Variants in CNTN4 observed in about 807,000 individuals in gnomAD.
CNTN4 encodes the protein contactin-4.
In CNTN4, 77 loss-of-function variants were observed where a neutral mutation model predicts 122.5. The observed-to-expected ratio is 0.63, with a 90% CI of 0.52 to 0.76. The LOEUF (loss-of-function observed/expected upper bound fraction) is 0.76. CNTN4 is among the 30% of genes least tolerant of loss of function. The pLI is 0.00. For missense variants in CNTN4, 1,256 were observed against 1,259.1 expected (o/e 1.00, Z 0.04); for synonymous variants, 512 against 447.0 (o/e 1.15, Z -1.83).
chr3:2,474,947 G>A lies in CNTN4; in HGVS notation c.-88-96469G>A, dbSNP rs1231802573. On this transcript the variant is annotated intron_variant, in intron 3 of 24. Coordinates refer to ENST00000418658, the MANE Select transcript of CNTN4 (RefSeq NM_175607.3). ...AAACTCTCTGATTACCTTTTAGACA[G>A]CTAAATTGTTTTTAATCTTTCATAT... Among the ~76,000 whole-genome samples the A allele has an allele frequency of 4.6e-5, 7 of 152,042 alleles. No individual in the cohort carries two copies. In the East Asian group the frequency reaches 1.3e-3, roughly 29 times the overall value.
chr3:2,431,162 A>G (rs530460659), intron 3 of CNTN4, among the ~76,000 whole-genome samples: 1 of 152,334 alleles, frequency 6.6e-6, no homozygotes, highest in East Asian at 1.9e-4. Context: ...ATAATCTAAT[A>G]TTCTATCAGT....
intron 6 of CNTN4, among the ~76,000 whole-genome samples, chr3:2,747,803 C>G (rs1270499578): frequency 6.6e-6 from 1 of 152,204 alleles, no homozygotes; most frequent in Non-Finnish European, 1.5e-5. Flanking sequence ...ACAGAAAGTT[C>G]ACCAATTCAT....
At chr3:2,705,875 TA>T (rs1186685553) in intron 4 of CNTN4, among the ~76,000 whole-genome samples, 1 of 71,258 alleles carries the variant, frequency 1.4e-5, no homozygotes, top group Non-Finnish European at 2.3e-5. Context: ...ATATAATATA[TA>T]TTTTTTATAT....
At chr3:2,261,702 T>C (rs977029395) in intron 2 of CNTN4, among the ~76,000 whole-genome samples, 14 of 152,198 alleles carry the variant, frequency 9.2e-5, no homozygotes, top group African/African-American at 3.1e-4. Flanking sequence ...GCTTGCTTCA[T>C]TGTGCTTTCC....
intron 14 of CNTN4, among the ~76,000 whole-genome samples, chr3:3,022,365 T>C (rs1698379301): frequency 6.6e-6 from 1 of 152,236 alleles, no homozygotes; most frequent in African/African-American, 2.4e-5. Flanking sequence ...ATCATGCTGC[T>C]GCACTCCAGC....
At chr3:2,376,973 T>C (rs1263012002) in intron 3 of CNTN4, among the ~76,000 whole-genome samples, 1 of 152,102 alleles carries the variant, frequency 6.6e-6, no homozygotes, top group South Asian at 2.1e-4. Context: ...CTGGCCAACA[T>C]GGTGAAACTC....
At chr3:2,913,362 C>T (rs1333719190) in intron 12 of CNTN4, among the ~76,000 whole-genome samples, 3 of 152,112 alleles carry the variant, frequency 2.0e-5, no homozygotes, top group Admixed American at 1.3e-4. Context: ...AAAGATATAG[C>T]TTGACTGAAT....
intron 4 of CNTN4, among the ~76,000 whole-genome samples, chr3:2,639,658 A>G (rs188310519): frequency 7.2e-5 from 11 of 152,342 alleles, no homozygotes; most frequent in Admixed American, 5.9e-4. Flanking sequence ...CTCGATGCAT[A>G]TTTATTAAAT....
At chr3:2,467,541 A>G (rs2075546184) in intron 3 of CNTN4, among the ~76,000 whole-genome samples, 2 of 152,194 alleles carry the variant, frequency 1.3e-5, no homozygotes, top group Admixed American at 6.5e-5. Context: ...ACAATTGGGA[A>G]TTTATTTAAT....
At chr3:2,637,265 G>A (rs2082701315) in intron 4 of CNTN4, among the ~76,000 whole-genome samples, 1 of 151,922 alleles carries the variant, frequency 6.6e-6, no homozygotes, top group African/African-American at 2.4e-5. Context: ...CATACACAAG[G>A]TGCTTAAACC....
At chr3:2,352,615 G>T (rs1364114973) in intron 3 of CNTN4, among the ~76,000 whole-genome samples, 1 of 152,202 alleles carries the variant, frequency 6.6e-6, no homozygotes, top group Non-Finnish European at 1.5e-5. Flanking sequence ...CCGGGCCTCT[G>T]CTGCCTCCCC....
intron 3 of CNTN4, among the ~76,000 whole-genome samples, chr3:2,399,402 T>C (rs534626122): frequency 1.3e-5 from 2 of 152,186 alleles, no homozygotes; most frequent in Admixed American, 1.3e-4. Context: ...TGTTTTTGTT[T>C]TTGTTGTTGT....
At chr3:2,485,968 C>G (rs940533070) in intron 3 of CNTN4, among the ~76,000 whole-genome samples, 1 of 152,174 alleles carries the variant, frequency 6.6e-6, no homozygotes, top group African/African-American at 2.4e-5. Flanking sequence ...CCCTTCCACA[C>G]TGTGGAAGCT....
chr3:2,823,772 T>C (rs1385919813), intron 7 of CNTN4, among the ~76,000 whole-genome samples: 1 of 152,064 alleles, frequency 6.6e-6, no homozygotes, highest in Non-Finnish European at 1.5e-5. Context: ...TATTCCTCAA[T>C]AAAATCCTCA....
At chr3:2,942,215 T>A (rs915124281) in intron 13 of CNTN4, among the ~76,000 whole-genome samples, 3 of 152,142 alleles carry the variant, frequency 2.0e-5, no homozygotes, top group African/African-American at 7.2e-5. Flanking sequence ...GACTAGAGAC[T>A]TCTCCAAAAA....
chr3:2,997,252 T>A (rs892851998), intron 14 of CNTN4, among the ~76,000 whole-genome samples: 1 of 152,230 alleles, frequency 6.6e-6, no homozygotes, highest in African/African-American at 2.4e-5. Flanking sequence ...TTGAGAATGA[T>A]GCTTTGTCAT....
intron 6 of CNTN4, among the ~76,000 whole-genome samples, chr3:2,772,041 G>A (rs575583168): frequency 6.6e-6 from 1 of 152,158 alleles, no homozygotes; most frequent in Non-Finnish European, 1.5e-5. Flanking sequence ...AGAGTGGGAG[G>A]CTACAAGGGG....
At chr3:2,461,466 A>C (rs2049207254) in intron 3 of CNTN4, among the ~76,000 whole-genome samples, 1 of 152,184 alleles carries the variant, frequency 6.6e-6, no homozygotes, top group African/African-American at 2.4e-5. Context: ...AAAGTTATGC[A>C]AGCTCAGTGA....
chr3:2,834,321 T>C lies in CNTN4; in HGVS notation c.454+14740T>C, dbSNP rs552059540. On this transcript the variant is annotated intron_variant, in intron 7 of 24. Coordinates refer to ENST00000418658, the MANE Select transcript of CNTN4 (RefSeq NM_175607.3). ...GGCTCACGCCTGTAATCCCAGCACT[T>C]TGGGAGGCCGAGGTGGGCAGATCAC... 4.7e-4 allele frequency among the ~76,000 whole-genome samples: 72 copies of C among 152,150 alleles called. No individual in the cohort carries two copies. In the South Asian group the frequency reaches 0.012, roughly 25 times the overall value.
Sources: gnomAD v4.1 joint callset for allele counts (sites outside exome capture counted in the v4.1 genomes callset) on GRCh38, gnomAD v4.1.1 for gene constraint, MANE v1.5 for transcripts, NCBI Gene and HGNC (gene_info 2026-07-23, HGNC 2026-07-21) for gene names.